GRIN2A: variants seen among roughly 807,000 people sequenced by gnomAD.
The protein encoded by GRIN2A is glutamate receptor ionotropic, NMDA 2A.
In GRIN2A, 22 loss-of-function variants were observed where a neutral mutation model predicts 113.4. The observed-to-expected ratio is 0.19, with a 90% CI of 0.14 to 0.28. The LOEUF is 0.28. GRIN2A is among the 10% of genes least tolerant of loss of function. The probability of loss-of-function intolerance (pLI) is 1.00; values close to 1 mark genes in which losing one functional copy is unlikely to be tolerated. For missense variants in GRIN2A, 1,502 were observed against 1,887.0 expected (o/e 0.80, Z 3.78); for synonymous variants, 827 against 738.4 (o/e 1.12, Z -1.94).
intron 2 of GRIN2A, among the ~76,000 whole-genome samples, chr16:10,178,060 C>T (rs1195767982): frequency 6.6e-6 from 1 of 152,226 alleles, no homozygotes; most frequent in Non-Finnish European, 1.5e-5. Flanking sequence ...AGAAATTTCA[C>T]TTTCAGTATG....
intron 3 of GRIN2A, among the ~76,000 whole-genome samples, chr16:9,914,716 C>G (rs1318913995): frequency 6.6e-6 from 1 of 151,928 alleles, no homozygotes; most frequent in African/African-American, 2.4e-5. Flanking sequence ...TGAAACTTGC[C>G]ATTAAGGCTA....
intron 4 of GRIN2A, among the ~76,000 whole-genome samples, chr16:9,860,903 A>G (rs182817419): frequency 2.7e-3 from 418 of 152,344 alleles, no homozygotes; most frequent in African/African-American, 8.4e-3. Flanking sequence ...CAGTTCAAGA[A>G]GTATCCGCTG....
chr16:10,043,631 G>A (rs1178731261), intron 2 of GRIN2A, among the ~76,000 whole-genome samples: 1 of 152,062 alleles, frequency 6.6e-6, no homozygotes, highest in African/African-American at 2.4e-5. Flanking sequence ...CCACAGTCAA[G>A]GCTCCCTGCT....
At chr16:9,895,018 A>C (rs1041281813) in intron 3 of GRIN2A, among the ~76,000 whole-genome samples, 1 of 152,188 alleles carries the variant, frequency 6.6e-6, no homozygotes. Context: ...TCCATTAGGC[A>C]TGTTTGAGCA....
chr16:10,159,416 A>C (rs915969261), intron 2 of GRIN2A, among the ~76,000 whole-genome samples: 10 of 152,190 alleles, frequency 6.6e-5, no homozygotes, highest in Admixed American at 6.5e-4. Flanking sequence ...TTGAGGCTAC[A>C]ACTGTAGATT....
intron 2 of GRIN2A, among the ~76,000 whole-genome samples, chr16:10,133,846 A>T (rs35354878): frequency 0.09 from 13,740 of 152,096 alleles, 652 homozygotes; most frequent in Middle Eastern, 0.12. Context: ...AAAGGAATCA[A>T]TGAAAAGAAA....
chr16:9,876,049 A>G (rs575118105), intron 4 of GRIN2A, among the ~76,000 whole-genome samples: 1 of 151,918 alleles, frequency 6.6e-6, no homozygotes, highest in South Asian at 2.1e-4. Context: ...CAGGCTCTAA[A>G]CCCCCTCATG....
rs545865961 is a variant in GRIN2A, at chr16:9,920,652, G to T, written c.1007+17307C>A. ...CAAGATCTCGGCTCACTGCAACCTC[G>T]CCTCCCAGGTTCAAACGATTCCCCT... On this transcript the variant is annotated intron_variant, in intron 3 of 12. Coordinates refer to ENST00000330684, the MANE Select transcript of GRIN2A (RefSeq NM_001134407.3). 2.7e-5 allele frequency among the ~76,000 whole-genome samples: 4 copies of T among 149,578 alleles called. No individual in the cohort carries two copies. In the East Asian group the frequency reaches 7.9e-4, roughly 29 times the overall value.
intron 4 of GRIN2A, among the ~76,000 whole-genome samples, chr16:9,855,918 C>G (rs1445611034): frequency 6.6e-6 from 1 of 152,196 alleles, no homozygotes; most frequent in Non-Finnish European, 1.5e-5. Flanking sequence ...GTACTCAAAT[C>G]TGAGGCTTTT....
chr16:9,973,053 G>A (rs2045705745), intron 2 of GRIN2A, among the ~76,000 whole-genome samples: 1 of 152,174 alleles, frequency 6.6e-6, no homozygotes, highest in South Asian at 2.1e-4. Context: ...GGGCCACAAG[G>A]CCAGATGAGC....
chr16:9,757,080 G>A lies in GRIN2A; in HGVS notation c.*6069C>T, dbSNP rs978079457. 17 of 208,938 alleles carry A rather than the reference G, an allele frequency of 8.1e-5. No individual in the cohort carries two copies. Among genetic ancestry groups the A allele is most frequent in the Admixed American group, 3.5e-4 (6 of 16,934 alleles). The allele number at this position is 208,938 out of a possible 1,614,324, so 12.9% of individuals were successfully genotyped here. A position where few individuals can be genotyped will look rare whatever the true frequency, so the allele number is the denominator to read the frequency against. On this transcript the variant is annotated 3_prime_UTR_variant, in exon 13 of 13. Coordinates refer to ENST00000330684, the MANE Select transcript of GRIN2A (RefSeq NM_001134407.3). Reference sequence around the variant, plus strand: ...GAAATGCTTCGTCTTTTTACATCATGGTCTATTTTCTAATCCTTTGGGGAA... The same window carrying A: ...GAAATGCTTCGTCTTTTTACATCATAGTCTATTTTCTAATCCTTTGGGGAA...
intron 2 of GRIN2A, among the ~76,000 whole-genome samples, chr16:10,012,297 G>T (rs1173127563): frequency 6.6e-6 from 1 of 152,130 alleles, no homozygotes; most frequent in East Asian, 1.9e-4. Flanking sequence ...CACTTTTAAA[G>T]AACTTAAAGT....
chr16:10,102,963 T>G (rs1218986409), intron 2 of GRIN2A, among the ~76,000 whole-genome samples: 1 of 152,208 alleles, frequency 6.6e-6, no homozygotes, highest in African/African-American at 2.4e-5. Flanking sequence ...TGCTGCATCA[T>G]TTAACAAGCA....
intron 11 of GRIN2A, among the ~76,000 whole-genome samples, chr16:9,784,216 GGTCAGGAGTTCAA>G (rs1158357182): frequency 6.6e-6 from 1 of 152,096 alleles, no homozygotes; most frequent in Non-Finnish European, 1.5e-5. Context: ...GATCACCTGA[GGTCAGGAGTTCAA>G]GACCAGCCTG....
intron 2 of GRIN2A, among the ~76,000 whole-genome samples, chr16:9,990,938 G>T (rs897207781): frequency 1.3e-5 from 2 of 151,966 alleles, no homozygotes; most frequent in Non-Finnish European, 2.9e-5. Flanking sequence ...ATGGTTGCGG[G>T]TACCTGTAAT....
rs143058287 is a variant in GRIN2A at position 10,048,369 on chromosome 16, G to A, written c.415-109818C>T. Among the ~76,000 whole-genome samples the A allele has an allele frequency of 6.8e-3, 1,032 of 152,270 alleles. 5 individuals are homozygous for A. Among genetic ancestry groups the A allele is most frequent in the Non-Finnish European group, 0.01 (685 of 68,024 alleles). On this transcript the variant is annotated intron_variant, in intron 2 of 12. Coordinates refer to ENST00000330684, the MANE Select transcript of GRIN2A (RefSeq NM_001134407.3). ...CCAGAGTCAAGTTTCTAGGACTTGG[G>A]AGAACTGCCTACTACCTCAAGCCAA...
chr16:9,875,810 A>G (rs9934198), intron 4 of GRIN2A, among the ~76,000 whole-genome samples: 52,321 of 152,056 alleles, frequency 0.34, 10,152 homozygotes, highest in African/African-American at 0.54. Flanking sequence ...CTTGGTCCTA[A>G]CTTAGGTCTT....
intron 3 of GRIN2A, among the ~76,000 whole-genome samples, chr16:9,932,246 C>T (rs145471113): frequency 2.0e-4 from 30 of 152,314 alleles, no homozygotes; most frequent in African/African-American, 6.7e-4. Context: ...TGTGTCTCTC[C>T]AACTATGAAT....
chr16:10,155,286 G>T (rs1456415012), intron 2 of GRIN2A, among the ~76,000 whole-genome samples: 2 of 150,752 alleles, frequency 1.3e-5, no homozygotes, highest in African/African-American at 2.4e-5. Context: ...TGGTGAGTTT[G>T]CAGGAAGAAG....
Sources: allele counts gnomAD v4.1 joint callset (sites outside exome capture counted in the v4.1 genomes callset), GRCh38; gene constraint gnomAD v4.1.1; transcripts MANE v1.5; gene names NCBI Gene and HGNC (gene_info 2026-07-23, HGNC 2026-07-21).